The following UBE3D variants were observed in gnomAD, a reference collection of about 807,000 sequenced individuals.
UBE3D encodes ubiquitin protein ligase E3D, also known as E3 ubiquitin-protein ligase E3D.
UBE3D carries 48 observed loss-of-function variants against 49.6 expected under a neutral mutation model. The ratio of observed to expected loss-of-function variants is 0.97; its 90% CI spans 0.77 to 1.23. The LOEUF (loss-of-function observed/expected upper bound fraction) is 1.23. Ranked by LOEUF, UBE3D falls within the 50% of genes most tolerant of loss-of-function variation. The pLI, the probability that UBE3D is intolerant of heterozygous loss-of-function variation, is 0.00. For synonymous variants in UBE3D, 189 were observed against 174.2 expected (o/e 1.08, Z -0.67); for missense variants, 452 against 468.4 (o/e 0.96, Z 0.32).
At position 82,990,963 on chromosome 6, in the gene UBE3D, G is replaced by A. The variant is rs1266581954; in HGVS notation, c.1010+28010C>T. 2.0e-5 allele frequency among the ~76,000 whole-genome samples: 3 copies of A among 152,078 alleles called. No individual in the cohort carries two copies. In the South Asian group the frequency reaches 6.2e-4, roughly 32 times the overall value. On this transcript the variant is annotated intron_variant, in intron 8 of 9. Coordinates refer to ENST00000369747, the MANE Select transcript of UBE3D (RefSeq NM_198920.3). ...ATTTCAGATACTTTTTGGTTTACACGGTCAAGATGCCAACAGGGACTATAG... is the reference window on the plus strand; with the variant it reads ...ATTTCAGATACTTTTTGGTTTACACAGTCAAGATGCCAACAGGGACTATAG...
intron 8 of UBE3D, among the ~76,000 whole-genome samples, chr6:83,016,149 C>T (rs926367038): frequency 1.9e-4 from 29 of 152,212 alleles, no homozygotes; most frequent in Non-Finnish European, 3.5e-4. Context: ...ATAAGATTCT[C>T]ACTCAAGGCC....
At chr6:82,906,889 C>T (rs542932895) in intron 9 of UBE3D, among the ~76,000 whole-genome samples, 4 of 152,234 alleles carry the variant, frequency 2.6e-5, no homozygotes, top group Admixed American at 1.3e-4. Context: ...TCTTAACAAT[C>T]GAGTCATTTT....
the UBE3D span, among the ~76,000 whole-genome samples, chr6:82,883,233 G>A: frequency 6.6e-6 from 1 of 152,226 alleles, no homozygotes; most frequent in African/African-American, 2.4e-5. Flanking sequence ...GGAGGAATAA[G>A]GAAAATGTCT....
intron 5 of UBE3D, among the ~76,000 whole-genome samples, chr6:83,024,779 G>A (rs1781339605): frequency 6.6e-6 from 1 of 152,156 alleles, no homozygotes; most frequent in Admixed American, 6.5e-5. Context: ...GTGCGCATGG[G>A]GAACTGTTAC....
At chr6:83,001,398 T>C (rs1336991279) in intron 8 of UBE3D, among the ~76,000 whole-genome samples, 1 of 152,226 alleles carries the variant, frequency 6.6e-6, no homozygotes, top group Non-Finnish European at 1.5e-5. Context: ...CTCTAATACC[T>C]GAAGTTGAAA....
chr6:82,972,501 C>T (rs1432360074), intron 8 of UBE3D, among the ~76,000 whole-genome samples: 1 of 152,156 alleles, frequency 6.6e-6, no homozygotes, highest in African/African-American at 2.4e-5. Flanking sequence ...AAAAAGCCCT[C>T]AAGTTTAAGC....
At chr6:83,023,420 A>G (rs1157217480) in intron 6 of UBE3D, among the ~76,000 whole-genome samples, 1 of 152,232 alleles carries the variant, frequency 6.6e-6, no homozygotes, top group Non-Finnish European at 1.5e-5. Context: ...TGGTTCAACT[A>G]TCAAAAAGGC....
At chr6:82,956,117 CCA>C (rs528188978) in intron 9 of UBE3D, among the ~76,000 whole-genome samples, 59 of 152,248 alleles carry the variant, frequency 3.9e-4, no homozygotes, top group African/African-American at 1.2e-3. Context: ...ATAGGAAAAT[CCA>C]CATCTTGTTT....
intron 9 of UBE3D, among the ~76,000 whole-genome samples, chr6:82,937,342 AAC>A (rs1419142242): frequency 6.8e-6 from 1 of 147,110 alleles, no homozygotes; most frequent in Non-Finnish European, 1.5e-5. Context: ...ACAAACAAAC[AAC>A]AAAAACAAAA....
chr6:83,062,105 C>T (rs1458699975), intron 1 of UBE3D, among the ~76,000 whole-genome samples: 1 of 152,190 alleles, frequency 6.6e-6, no homozygotes, highest in East Asian at 1.9e-4. Context: ...TCTGCCGCCT[C>T]TTCTCTACTG....
chr6:82,966,494 C>T (rs1170598470), intron 8 of UBE3D, among the ~76,000 whole-genome samples: 1 of 120,634 alleles, frequency 8.3e-6, no homozygotes, highest in East Asian at 2.1e-4. Flanking sequence ...ACTAAAAATA[C>T]AAAAAATTAG....
At chr6:82,959,666 GCT>G (rs1411746269) in intron 8 of UBE3D, among the ~76,000 whole-genome samples, 2 of 137,056 alleles carry the variant, frequency 1.5e-5, no homozygotes, top group Middle Eastern at 4.7e-3. Context: ...TTAAGAATTG[GCT>G]CTGTTTCTTT....
rs556878934 is a variant in UBE3D at position 82,971,971 on chromosome 6, A to C, written c.1011-14521T>G. Among the ~76,000 whole-genome samples the C allele has an allele frequency of 7.2e-5, 11 of 152,210 alleles. 1 individual carries two copies. The South Asian group carries it at 1.7e-3, about 23-fold the overall frequency. On this transcript the variant is annotated intron_variant, in intron 8 of 9. Coordinates refer to ENST00000369747, the MANE Select transcript of UBE3D (RefSeq NM_198920.3). ...ATAGGTTCTCTTCATTTTTCACTTCAAATTGGTTGGCAGTGATTGTGTTGA... is the reference window on the plus strand; with the variant it reads ...ATAGGTTCTCTTCATTTTTCACTTCCAATTGGTTGGCAGTGATTGTGTTGA...
chr6:82,964,176 C>G (rs1024633792), intron 8 of UBE3D, among the ~76,000 whole-genome samples: 4 of 152,084 alleles, frequency 2.6e-5, no homozygotes, highest in African/African-American at 9.7e-5. Context: ...TACGGCCTAT[C>G]TATTTTCAAA....
At chr6:82,898,804 T>C (rs1771523664) in intron 9 of UBE3D, among the ~76,000 whole-genome samples, 1 of 152,172 alleles carries the variant, frequency 6.6e-6, no homozygotes, top group South Asian at 2.1e-4. Flanking sequence ...TCTGCACATG[T>C]ACCCCAGAAC....
the UBE3D span, among the ~76,000 whole-genome samples, chr6:82,882,296 A>G: frequency 6.6e-6 from 1 of 152,228 alleles, no homozygotes; most frequent in African/African-American, 2.4e-5. Context: ...GGGATCATAT[A>G]GCAAAGCACC....
intron 3 of UBE3D, among the ~76,000 whole-genome samples, chr6:83,050,114 A>G (rs939600407): frequency 6.6e-6 from 1 of 152,184 alleles, no homozygotes; most frequent in Non-Finnish European, 1.5e-5. Context: ...TTAAATTAAG[A>G]AAAAACATTG....
At chr6:82,980,876 G>T (rs751138899) in intron 8 of UBE3D, among the ~76,000 whole-genome samples, 1 of 151,978 alleles carries the variant, frequency 6.6e-6, no homozygotes, top group East Asian at 1.9e-4. Context: ...ATAATTATGT[G>T]ACTTTTTATC....
In UBE3D at chr6:83,023,856, C is replaced by T. The variant is rs1781269808; in HGVS notation, c.737+113G>A. 4.5e-6 allele frequency: 3 copies of T among 664,338 alleles called. No homozygotes were observed. In the Admixed American group the frequency reaches 1.1e-4, roughly 24 times the overall value. 41.2% of individuals were successfully genotyped at this position (664,338 alleles called of 1,614,324 possible). On this transcript the variant is annotated intron_variant, in intron 6 of 9. Coordinates refer to ENST00000369747, the MANE Select transcript of UBE3D (RefSeq NM_198920.3). ...TTCATGTAAGCAAACATCATCTGTT[C>T]CCAAAAACCTATTAAAATAAAAAAT...
Sources: gnomAD v4.1 joint callset for allele counts (sites outside exome capture counted in the v4.1 genomes callset) on GRCh38, gnomAD v4.1.1 for gene constraint, MANE v1.5 for transcripts, NCBI Gene and HGNC (gene_info 2026-07-23, HGNC 2026-07-21) for gene names.